MMEL1: variants seen among roughly 807,000 people sequenced by gnomAD.
MMEL1 encodes the protein membrane metallo-endopeptidase-like 1.
In MMEL1, 98 loss-of-function variants were observed where a neutral mutation model predicts 117.1. The observed-to-expected ratio is 0.84, with a 90% CI of 0.71 to 0.99. The LOEUF (loss-of-function observed/expected upper bound fraction) is 0.99, where lower values mean the gene tolerates loss of function less well. Ranked by LOEUF, MMEL1 falls within the 50% of genes least tolerant of loss-of-function variation. The probability of loss-of-function intolerance (pLI) is 0.00; values close to 1 mark genes in which losing one functional copy is unlikely to be tolerated. For missense variants in MMEL1, 1,014 were observed against 1,049.1 expected, an observed-to-expected ratio of 0.97 and a Z score of 0.46; for synonymous variants, 390 against 415.1, an observed-to-expected ratio of 0.94 and a Z score of 0.74.
At position 2,605,522 on chromosome 1, in the gene MMEL1, G is replaced by A. The variant is rs1381292233; in HGVS notation, c.816+36C>T. ...CAGACCACGGGGTAGGGGGTGATGG[G>A]GGGGTCATCTGGCATTGCGGTGAGG... On this transcript the variant is annotated intron_variant, in intron 9 of 23. Transcript: ENST00000378412. The A allele has an allele frequency of 2.5e-6, 4 of 1,590,210 alleles. No individual in the cohort carries two copies. The African/African-American group carries it at 4.0e-5, about 16-fold the overall frequency.
At position 2,595,258 on chromosome 1, in the gene MMEL1, C is replaced by T. The variant is rs766925929; in HGVS notation, c.1584+18G>A. 10 of 1,610,754 alleles carry T rather than the reference C, an allele frequency of 6.2e-6. No homozygotes were observed. Among genetic ancestry groups the T allele is most frequent in the Non-Finnish European group, 8.5e-6 (10 of 1,177,910 alleles). ...CCACGGTGTGGGGGGCAGTTTAGGGCTGGGGTTGGGGGCGCACATTGGAGT... is the reference window on the plus strand; with the variant it reads ...CCACGGTGTGGGGGGCAGTTTAGGGTTGGGGTTGGGGGCGCACATTGGAGT... On this transcript the variant is annotated intron_variant, in intron 16 of 23. Coordinates refer to ENST00000378412, the MANE Select transcript of MMEL1 (RefSeq NM_033467.4). The surrounding 1 kb of genome is among the most constrained non-coding windows in gnomAD (Gnocchi z 4.8).
chr1:2,600,236 G>C (rs1644909878), intron 11 of MMEL1, among the ~76,000 whole-genome samples: 1 of 152,036 alleles, frequency 6.6e-6, no homozygotes, highest in Non-Finnish European at 1.5e-5. Flanking sequence ...CCAAAGTGCT[G>C]GGATTACAGG....
intron 2 of MMEL1, among the ~76,000 whole-genome samples, chr1:2,617,303 T>G (rs1458622884): frequency 6.6e-6 from 1 of 151,774 alleles, no homozygotes; most frequent in Non-Finnish European, 1.5e-5. Flanking sequence ...GGCGGGCGCC[T>G]GTAGTCCCAG....
Position 2,605,655 on chromosome 1 carries a change from G to A in MMEL1, c.751-32C>T, listed in dbSNP as rs1337939815. 3 of 1,582,702 alleles carry A rather than the reference G, an allele frequency of 1.9e-6. No homozygotes were observed. In the African/African-American group the frequency reaches 4.0e-5, roughly 21 times the overall value. On this transcript the variant is annotated intron_variant, in intron 8 of 23. Coordinates refer to ENST00000378412, the MANE Select transcript of MMEL1 (RefSeq NM_033467.4). ...ATACAGAAGGTGTGACCCTGGGCAA[G>A]GGGCCCGGGGTCCCCGCAGCCTGGC... is the stretch of plus-strand genomic sequence containing the variant.
chr1:2,627,435 C>T (rs1638328053), intron 2 of MMEL1, among the ~76,000 whole-genome samples: 1 of 152,264 alleles, frequency 6.6e-6, no homozygotes, highest in East Asian at 1.9e-4. Context: ...ATGTAGAAGA[C>T]TTGATTGATC....
In MMEL1 at chr1:2,604,135, C is replaced by CCCCCCCCAAAACAG; in HGVS notation, c.951+11_951+12insCTGTTTTGGGGGGG. 5 of 1,520,164 alleles carry CCCCCCCCAAAACAG rather than the reference C, an allele frequency of 3.3e-6. No individual in the cohort carries two copies. Among genetic ancestry groups the CCCCCCCCAAAACAG allele is most frequent in the Non-Finnish European group, 4.5e-6 (5 of 1,100,356 alleles). 94.2% of individuals were successfully genotyped at this position (1,520,164 alleles called of 1,614,324 possible). A position where few individuals can be genotyped will look rare whatever the true frequency, so the allele number is the denominator to read the frequency against. On this transcript the variant is annotated intron_variant, in intron 10 of 23. Coordinates refer to ENST00000378412, the MANE Select transcript of MMEL1 (RefSeq NM_033467.4). Reference sequence around the variant, plus strand: ...CTCGCTGCCCGCTCCCCACCCGCCCCGGCCCCCTTACCTTGGCCAGCTGTG... The same window carrying CCCCCCCCAAAACAG: ...CTCGCTGCCCGCTCCCCACCCGCCCCCCCCCCCAAAACAGGGCCCCCTTACCTTGGCCAGCTGTG...
At chr1:2,593,293 G>A (rs979290589) in intron 19 of MMEL1, among the ~76,000 whole-genome samples, 2 of 152,218 alleles carry the variant, frequency 1.3e-5, no homozygotes, top group African/African-American at 2.4e-5. Context: ...TAAGTTCCAG[G>A]CGAGAGGAGT....
intron 11 of MMEL1, among the ~76,000 whole-genome samples, chr1:2,603,143 A>G (rs921611883): frequency 6.6e-6 from 1 of 152,084 alleles, no homozygotes; most frequent in Non-Finnish European, 1.5e-5. Flanking sequence ...CTCTCCCCAG[A>G]GTCTCTCTGT....
At chr1:2,607,760 G>A (rs1479188697) in intron 6 of MMEL1, among the ~76,000 whole-genome samples, 1 of 152,112 alleles carries the variant, frequency 6.6e-6, no homozygotes, top group African/African-American at 2.4e-5. Flanking sequence ...CTGAGTGGGG[G>A]CTGCTGGCCT....
chr1:2,596,758 G>A, intron 13 of MMEL1, 69 bp from the exon 14 acceptor site: 2 of 1,585,208 alleles, frequency 1.3e-6, no homozygotes, highest in Non-Finnish European at 1.7e-6. Flanking sequence ...TGGGGCCCTG[G>A]GCTTACGGGG....
At chr1:2,607,360 G>A (rs925859397) in intron 6 of MMEL1, among the ~76,000 whole-genome samples, 4 of 152,144 alleles carry the variant, frequency 2.6e-5, no homozygotes, top group African/African-American at 9.6e-5. Flanking sequence ...AGAGGATGAT[G>A]GGAGGCAGCC....
rs1268241299 is a variant in MMEL1 at position 2,596,037 on chromosome 1, T to C, written c.1472A>G (p.Glu491Gly). ...ETLDELGWMD[E>G]ESKKKAQEKA... ...CTCCTGCGCCTTCTTCTTGGACTCC[T>C]CGTCCATCCAGCCCAGCTCGTCCAG... Residue 491 changes from glutamate (E) to glycine (G), a missense_variant, in exon 15 of 24, where the codon GAG (glutamate) becomes GGG (glycine). Coordinates refer to ENST00000378412, the MANE Select transcript of MMEL1 (RefSeq NM_033467.4). 4.3e-6 allele frequency: 7 copies of C among 1,613,894 alleles called. No individual in the cohort carries two copies. The African/African-American group carries it at 6.7e-5, about 15-fold the overall frequency.
chr1:2,606,884 G>A (rs2100943631), intron 7 of MMEL1, 90 bp downstream of exon 7: 2 of 1,199,836 alleles, frequency 1.7e-6, no homozygotes, highest in African/African-American at 1.5e-5. Flanking sequence ...GTGGGGGTGG[G>A]GTCCCCTCCT....
intron 3 of MMEL1, 65 bp from the exon 4 acceptor site, chr1:2,611,405 T>C: frequency 1.1e-6 from 1 of 940,234 alleles, no homozygotes; most frequent in East Asian, 9.2e-5. Context: ...CTGGAGTGGG[T>C]GTGGGCGGGG....
chr1:2,627,312 T>TA (rs1227265198), intron 2 of MMEL1, among the ~76,000 whole-genome samples: 1 of 152,240 alleles, frequency 6.6e-6, no homozygotes, highest in Non-Finnish European at 1.5e-5. Context: ...GGGTGATTCT[T>TA]TAGTGCAAGA....
chr1:2,604,121 C>CGA, intron 10 of MMEL1, 26 bp downstream of exon 10: 7 of 1,468,286 alleles, frequency 4.8e-6, no homozygotes, highest in East Asian at 2.3e-5. Flanking sequence ...TCGCTGCCCG[C>CGA]TCCCCACCCG....
At chr1:2,613,627 C>T (rs1392280306) in intron 2 of MMEL1, among the ~76,000 whole-genome samples, 2 of 151,982 alleles carry the variant, frequency 1.3e-5, no homozygotes, top group Non-Finnish European at 2.9e-5. Context: ...TGAAGCCTTC[C>T]CAGGAGAGGA....
At chr1:2,613,355 T>C (rs1344950546) in intron 2 of MMEL1, among the ~76,000 whole-genome samples, 1 of 152,168 alleles carries the variant, frequency 6.6e-6, no homozygotes, top group Non-Finnish European at 1.5e-5. Flanking sequence ...CCAGAGCCTA[T>C]GGACCAGAGA....
In MMEL1 at chr1:2,598,634, A is replaced by G. The variant is rs1481414994; in HGVS notation, c.1178+20T>C. ...GGGGCAAAGATGCTGAGGCCTTTGG[A>G]GACCCTCCCTGGGCCTCACCTGGCT... On this transcript the variant is annotated intron_variant, in intron 12 of 23. Transcript: ENST00000378412. The G allele has an allele frequency of 6.2e-7, 1 of 1,613,396 alleles. No homozygotes were observed. Among genetic ancestry groups the G allele is most frequent in the Non-Finnish European group, 8.5e-7 (1 of 1,179,600 alleles).
Sources: allele counts gnomAD v4.1 joint callset (sites outside exome capture counted in the v4.1 genomes callset), GRCh38; gene constraint gnomAD v4.1.1; non-coding constraint Gnocchi (gnomAD v3.1); transcripts MANE v1.5; gene names NCBI Gene and HGNC (gene_info 2026-07-23, HGNC 2026-07-21).